The following DLG2 variants were observed in gnomAD, a reference collection of about 807,000 sequenced individuals.
DLG2 encodes the protein disks large homolog 2.
Under a neutral mutation model 132.5 loss-of-function variants are expected in DLG2, and 45 were observed. The ratio of observed to expected loss-of-function variants is 0.34; its 90% CI spans 0.27 to 0.44. DLG2 has a LOEUF of 0.44. DLG2 is among the 20% of genes least tolerant of loss of function. DLG2 has a pLI of 1.00. For synonymous variants in DLG2, 424 were observed against 419.6 expected (o/e 1.01, Z -0.13); for missense variants, 1,045 against 1,196.9 (o/e 0.87, Z 1.87).
intron 3 of DLG2, among the ~76,000 whole-genome samples, chr11:85,468,793 T>G (rs1408221050): frequency 1.3e-5 from 2 of 152,168 alleles, no homozygotes; most frequent in Non-Finnish European, 2.9e-5. Flanking sequence ...ATTCTGTTGA[T>G]TTGGGGTGCA....
rs557983698 is a variant in DLG2, at chr11:85,052,046, A to T, written c.357+59615T>A. Among the ~76,000 whole-genome samples, 57 of 152,312 alleles carry T rather than the reference A, an allele frequency of 3.7e-4. 1 individual carries two copies. Among genetic ancestry groups the T allele is most frequent in the African/African-American group, 1.3e-3 (54 of 41,580 alleles). ...CACTTCTCAGCAAGATAAATTTTTA[A>T]AAGAATGGCTAGAAAATTTCTCTTT... is the stretch of plus-strand genomic sequence containing the variant. On this transcript the variant is annotated intron_variant, in intron 6 of 27. Transcript: ENST00000376104.
In DLG2 at chr11:83,632,900, T is replaced by C. The variant is rs2063816061; in HGVS notation, c.1940+311A>G. On this transcript the variant is annotated intron_variant, in intron 19 of 27. Coordinates refer to ENST00000376104, the MANE Select transcript of DLG2 (RefSeq NM_001142699.3). ...TAAATGTCCAAGGGTTTGGTCCACA[T>C]ATGCCATTTAAGATTTATTAGAAAT... The C allele has an allele frequency of 9.6e-6, 3 of 311,208 alleles. 1 individual carries two copies. In the South Asian group the frequency reaches 1.3e-4, roughly 14 times the overall value. The allele number at this position is 311,208 out of a possible 1,614,324, so 19.3% of individuals were successfully genotyped here. A position where few individuals can be genotyped will look rare whatever the true frequency, so the allele number is the denominator to read the frequency against.
intron 7 of DLG2, among the ~76,000 whole-genome samples, chr11:84,390,209 A>C (rs2098787527): frequency 6.6e-6 from 1 of 152,196 alleles, no homozygotes; most frequent in Admixed American, 6.5e-5. Context: ...CTTAAAACTA[A>C]GCTGTGAAAC....
At chr11:84,527,983 T>C (rs186796652) in intron 7 of DLG2, among the ~76,000 whole-genome samples, 23 of 149,288 alleles carry the variant, frequency 1.5e-4, no homozygotes, top group Non-Finnish European at 7.4e-5. Context: ...TTGGGCCCCA[T>C]AGTTTTAAGT....
At chr11:85,206,653 C>A (rs1178779534) in intron 4 of DLG2, among the ~76,000 whole-genome samples, 14 of 152,070 alleles carry the variant, frequency 9.2e-5, no homozygotes, top group Admixed American at 9.2e-4. Flanking sequence ...CGATTCTACT[C>A]TATTCCTTCT....
chr11:83,595,860 T>C (rs972288598), intron 19 of DLG2, among the ~76,000 whole-genome samples: 1 of 152,212 alleles, frequency 6.6e-6, no homozygotes, highest in Non-Finnish European at 1.5e-5. Flanking sequence ...CTTAATCTCA[T>C]AACTATGCCC....
intron 7 of DLG2, among the ~76,000 whole-genome samples, chr11:84,444,676 A>G (rs2099027664): frequency 6.6e-6 from 1 of 152,162 alleles, no homozygotes; most frequent in Admixed American, 6.5e-5. Context: ...GCTTTATAGT[A>G]AATACTGTTA....
In DLG2 at chr11:84,735,813, C is replaced by T. The variant is rs571241500; in HGVS notation, c.358-201082G>A. On this transcript the variant is annotated intron_variant, in intron 6 of 27. Transcript: ENST00000376104. Reference sequence around the variant, plus strand: ...CCCTCTACACACTGCTAGATTCAAACCTATATTAGATATATGTTGCATATA... The same window carrying T: ...CCCTCTACACACTGCTAGATTCAAATCTATATTAGATATATGTTGCATATA... Among the ~76,000 whole-genome samples, 4 of 151,714 alleles carry T rather than the reference C, an allele frequency of 2.6e-5. No homozygotes were observed. The East Asian group carries it at 5.8e-4, about 22-fold the overall frequency.
At position 83,962,909 on chromosome 11, in the gene DLG2, A is replaced by ATGT. The variant is rs750522723; in HGVS notation, c.1313_1315dup (p.His438_Met439insAsn). On this transcript the variant is annotated inframe_insertion, in exon 14 of 28. Coordinates refer to ENST00000376104, the MANE Select transcript of DLG2 (RefSeq NM_001142699.3). The stretch of plus-strand genomic sequence containing the variant: ...CCTGGTGTAGTCGTCGTCAACAAGC[A>ATGT]TGTGCTTTGGAATTGGTGAGTACCT... The ATGT allele has an allele frequency of 6.2e-7, 1 of 1,613,040 alleles. No individual in the cohort carries two copies. Among genetic ancestry groups the ATGT allele is most frequent in the Admixed American group, 1.7e-5 (1 of 59,978 alleles).
chr11:85,257,489 T>G (rs1472704626), intron 4 of DLG2, among the ~76,000 whole-genome samples: 1 of 152,224 alleles, frequency 6.6e-6, no homozygotes, highest in Non-Finnish European at 1.5e-5. Context: ...CATGCAGGTA[T>G]GTCTGTGAAA....
intron 17 of DLG2, among the ~76,000 whole-genome samples, chr11:83,787,573 G>A (rs1026100292): frequency 2.6e-5 from 4 of 151,642 alleles, no homozygotes; most frequent in South Asian, 2.1e-4. Context: ...CGCCTGCCTC[G>A]GCCTCCCAAA....
At chr11:84,152,178 T>G (rs1273037476) in intron 9 of DLG2, among the ~76,000 whole-genome samples, 2 of 151,822 alleles carry the variant, frequency 1.3e-5, no homozygotes, top group East Asian at 3.9e-4. Context: ...TGTGGCTAAG[T>G]ATTTTCATAG....
At chr11:85,267,076 A>G (rs775263279) in intron 4 of DLG2, among the ~76,000 whole-genome samples, 1 of 152,214 alleles carries the variant, frequency 6.6e-6, no homozygotes, top group African/African-American at 2.4e-5. Context: ...TTCAAAATTC[A>G]TATGTTGAGA....
chr11:84,758,086 C>A (rs1011644417), intron 6 of DLG2, among the ~76,000 whole-genome samples: 1 of 152,182 alleles, frequency 6.6e-6, no homozygotes, highest in African/African-American at 2.4e-5. Context: ...ATCTGAATAC[C>A]TCCAGCTACA....
intron 6 of DLG2, among the ~76,000 whole-genome samples, chr11:84,614,829 T>C (rs2099601199): frequency 6.6e-6 from 1 of 152,150 alleles, no homozygotes; most frequent in African/African-American, 2.4e-5. Context: ...ATTTTGACCA[T>C]CTGGACAATC....
chr11:85,132,931 C>G (rs1022509435), intron 5 of DLG2: 1 of 427,928 alleles, frequency 2.3e-6, no homozygotes, highest in Admixed American at 2.5e-5. Context: ...TCCAAGGGGG[C>G]CCCTCATGGG....
intron 12 of DLG2, among the ~76,000 whole-genome samples, chr11:83,976,153 T>C (rs902046950): frequency 9.2e-5 from 14 of 152,088 alleles, no homozygotes; most frequent in Non-Finnish European, 1.8e-4. Flanking sequence ...AGAGTTATTG[T>C]TATTACTAAC....
chr11:85,120,555 T>C (rs1292793023), intron 5 of DLG2, among the ~76,000 whole-genome samples: 1 of 152,068 alleles, frequency 6.6e-6, no homozygotes, highest in African/African-American at 2.4e-5. Context: ...CAAGAAATTA[T>C]CCTTGTAATG....
intron 3 of DLG2, among the ~76,000 whole-genome samples, chr11:85,540,529 T>C (rs11607685): frequency 0.16 from 23,653 of 152,136 alleles, 2,264 homozygotes; most frequent in East Asian, 0.31. Context: ...CACTGAGAGC[T>C]ACTTCCAATC....
Sources: allele counts gnomAD v4.1 joint callset (sites outside exome capture counted in the v4.1 genomes callset), GRCh38; gene constraint gnomAD v4.1.1; transcripts MANE v1.5; gene names NCBI Gene and HGNC (gene_info 2026-07-23, HGNC 2026-07-21).